The following SORCS1 variants were observed in gnomAD, a reference collection of about 807,000 sequenced individuals.
SORCS1 encodes the protein VPS10 domain-containing receptor SorCS1.
In SORCS1, 60 loss-of-function variants were observed where a neutral mutation model predicts 146.1. The ratio of observed to expected loss-of-function variants is 0.41; its 90% CI spans 0.33 to 0.51. The LOEUF is 0.51. SORCS1 is among the 20% of genes least tolerant of loss of function. The pLI is 0.21. For synonymous variants in SORCS1, 637 were observed against 584.0 expected, an observed-to-expected ratio of 1.09 and a Z score of -1.31; for missense variants, 1,352 against 1,487.6, an observed-to-expected ratio of 0.91 and a Z score of 1.50.
At chr10:106,687,777 G>T (rs73378388) in intron 10 of SORCS1, among the ~76,000 whole-genome samples, 1,598 of 149,980 alleles carry the variant, frequency 0.011, 33 homozygotes, top group African/African-American at 0.038. Context: ...ATCTCCACAA[G>T]AAAATACACC....
chr10:106,760,985 T>A (rs772890455), intron 5 of SORCS1, among the ~76,000 whole-genome samples: 54 of 152,036 alleles, frequency 3.6e-4, no homozygotes, highest in Non-Finnish European at 5.6e-4. Context: ...CGTGCACCTA[T>A]AATCCAAGCT....
chr10:106,840,497 T>C (rs915112996), intron 2 of SORCS1, among the ~76,000 whole-genome samples: 3 of 116,150 alleles, frequency 2.6e-5, no homozygotes, highest in African/African-American at 1.1e-4. Context: ...AAATGGAATA[T>C]ATTCCGGTGA....
intron 3 of SORCS1, among the ~76,000 whole-genome samples, chr10:106,813,813 G>A (rs1277073630): frequency 3.3e-5 from 5 of 152,040 alleles, no homozygotes; most frequent in African/African-American, 1.2e-4. Context: ...GGGACAGTGG[G>A]CGGTGTCATG....
rs1191296212 is a variant in SORCS1 at position 106,806,505 on chromosome 10, C to CTTTTT, written c.726+23064_726+23068dup. ...CAGCCCTTCTGATGAGAGAGGAAGCCTTTTTTTTTTTTTTTTTTTTTTTTT... is the reference window on the plus strand; with the variant it reads ...CAGCCCTTCTGATGAGAGAGGAAGCCTTTTTTTTTTTTTTTTTTTTTTTTTTTTTT... On this transcript the variant is annotated intron_variant, in intron 3 of 25. Transcript: ENST00000263054. Among the ~76,000 whole-genome samples the CTTTTT allele has an allele frequency of 4.7e-4, 33 of 70,450 alleles. 4 individuals are homozygous for CTTTTT. Among genetic ancestry groups the CTTTTT allele is most frequent in the Non-Finnish European group, 6.6e-4 (24 of 36,518 alleles). 46.2% of individuals were successfully genotyped at this position (70,450 alleles called of 152,430 possible). A position where few individuals can be genotyped will look rare whatever the true frequency, so the allele number is the denominator to read the frequency against.
intron 1 of SORCS1, among the ~76,000 whole-genome samples, chr10:106,981,077 T>C (rs1190981219): frequency 6.6e-6 from 1 of 152,086 alleles, no homozygotes; most frequent in Non-Finnish European, 1.5e-5. Flanking sequence ...ACAATTTAGA[T>C]AGGAATGACT....
intron 18 of SORCS1, among the ~76,000 whole-genome samples, chr10:106,650,353 C>T (rs953000703): frequency 6.6e-6 from 1 of 152,160 alleles, no homozygotes; most frequent in African/African-American, 2.4e-5. Context: ...GTTCCAAGAA[C>T]CAAGTCTCAG....
intron 3 of SORCS1, among the ~76,000 whole-genome samples, chr10:106,803,467 T>C (rs1371738615): frequency 6.6e-6 from 1 of 152,196 alleles, no homozygotes; most frequent in African/African-American, 2.4e-5. Context: ...AGCACTAGTT[T>C]TCATTCTCAC....
At chr10:106,623,108 C>G (rs985084326) in intron 19 of SORCS1, among the ~76,000 whole-genome samples, 1 of 152,136 alleles carries the variant, frequency 6.6e-6, no homozygotes, top group Non-Finnish European at 1.5e-5. Flanking sequence ...GTTCCAGCAT[C>G]CCCTCCTCTG....
chr10:106,804,511 T>C (rs907851162), intron 3 of SORCS1, among the ~76,000 whole-genome samples: 4 of 151,850 alleles, frequency 2.6e-5, no homozygotes, highest in Non-Finnish European at 5.9e-5. Flanking sequence ...ACAACTTAAA[T>C]TCAATCAATA....
At chr10:107,133,017 C>T (rs189134502) in intron 1 of SORCS1, among the ~76,000 whole-genome samples, 3 of 152,298 alleles carry the variant, frequency 2.0e-5, no homozygotes, top group Admixed American at 2.0e-4. Context: ...CTTACACCCG[C>T]TGAAGGTTCA....
At chr10:106,783,315 G>T (rs1861037953) in intron 3 of SORCS1, among the ~76,000 whole-genome samples, 1 of 152,160 alleles carries the variant, frequency 6.6e-6, no homozygotes, top group Non-Finnish European at 1.5e-5. Flanking sequence ...GAGGCAATTT[G>T]CTCAAGGTTG....
intron 1 of SORCS1, among the ~76,000 whole-genome samples, chr10:107,058,211 T>A (rs1050270826): frequency 3.3e-5 from 5 of 151,816 alleles, no homozygotes; most frequent in African/African-American, 1.2e-4. Flanking sequence ...CCAGCTAATT[T>A]TTTGTATTTT....
At chr10:106,937,986 AAAAAG>A (rs1953838310) in intron 2 of SORCS1, among the ~76,000 whole-genome samples, 1 of 150,720 alleles carries the variant, frequency 6.6e-6, no homozygotes, top group South Asian at 2.1e-4. Flanking sequence ...AAAAAAAAAA[AAAAAG>A]AAAGAAAGGA....
At chr10:107,167,179 A>G (rs182657002), upstream of SORCS1, among the ~76,000 whole-genome samples, 43 of 152,358 alleles carry the variant, frequency 2.8e-4, 1 homozygote, top group Admixed American at 2.6e-3. Context: ...AGATGGATTC[A>G]TTTTATTTCT....
chr10:106,692,326 C>T (rs12268665), intron 9 of SORCS1, among the ~76,000 whole-genome samples: 1,758 of 152,308 alleles, frequency 0.012, 40 homozygotes, highest in African/African-American at 0.04. Context: ...CTTGGCCTCC[C>T]AAAGTGCTGG....
chr10:106,579,472 G>C lies in SORCS1; in HGVS notation c.3268C>G (p.Pro1090Ala). Residue 1090 changes from proline (P) to alanine (A), a missense_variant and splice_region_variant, in exon 25 of 26, where the codon CCC (proline) becomes GCC (alanine). Transcript: ENST00000263054. ...LVHAAHLTAAPLVDLTPTHSG... is the reference protein window; with the variant it reads ...LVHAAHLTAAALVDLTPTHSG... ...TGGGTTGGAGTGAGGTCCACCAGGG[G>C]GGCTTGTGGGGGAAACAGAGCAGAG... 1.9e-6 allele frequency: 3 copies of C among 1,613,572 alleles called. No homozygotes were observed. The highest frequency in any genetic ancestry group is 2.5e-6 in the Non-Finnish European group (3 of 1,179,822).
At chr10:106,645,100 C>G (rs1166111503) in intron 18 of SORCS1, among the ~76,000 whole-genome samples, 2 of 151,938 alleles carry the variant, frequency 1.3e-5, no homozygotes, top group Non-Finnish European at 2.9e-5. Flanking sequence ...TATGAATGAC[C>G]AGATGCTCCA....
intron 5 of SORCS1, among the ~76,000 whole-genome samples, chr10:106,731,942 G>A (rs1589759028): frequency 6.6e-6 from 1 of 152,164 alleles, no homozygotes; most frequent in Admixed American, 6.5e-5. Flanking sequence ...GAGAAAGAAA[G>A]CGAAGGGGCT....
chr10:106,728,619 T>A (rs1856375593), intron 6 of SORCS1, among the ~76,000 whole-genome samples: 1 of 152,178 alleles, frequency 6.6e-6, no homozygotes, highest in South Asian at 2.1e-4. Context: ...GGTACATGCA[T>A]AGTAATGAAA....
Sources: gnomAD v4.1 joint callset for allele counts (sites outside exome capture counted in the v4.1 genomes callset) on GRCh38, gnomAD v4.1.1 for gene constraint, MANE v1.5 for transcripts, NCBI Gene and HGNC (gene_info 2026-07-23, HGNC 2026-07-21) for gene names.